Variants in TMTC2 observed in about 807,000 individuals in gnomAD.
TMTC2 encodes the protein transmembrane O-mannosyltransferase targeting cadherins 2.
A neutral mutation model predicts 82.4 loss-of-function variants in TMTC2; 43 were observed. The observed-to-expected ratio is 0.52, with a 90% CI of 0.41 to 0.67. The LOEUF is 0.67. Ranked by LOEUF, TMTC2 falls within the 30% of genes least tolerant of loss-of-function variation. The pLI is 0.00. For missense variants in TMTC2, 919 were observed against 1,012.4 expected (o/e 0.91, Z 1.25); for synonymous variants, 408 against 381.9 (o/e 1.07, Z -0.80).
intron 3 of TMTC2, among the ~76,000 whole-genome samples, chr12:82,908,017 C>A (rs1482199367): frequency 1.3e-5 from 2 of 152,064 alleles, no homozygotes; most frequent in Non-Finnish European, 2.9e-5. Context: ...GAGCCTGAGG[C>A]AGAAGAATTG....
intron 1 of TMTC2, among the ~76,000 whole-genome samples, chr12:82,729,624 G>A (rs555048646): frequency 9.8e-5 from 15 of 152,304 alleles, no homozygotes; most frequent in African/African-American, 3.6e-4. Context: ...AGCACCCTGT[G>A]AAAACGGACC....
Position 82,965,674 on chromosome 12 carries a change from C to T in TMTC2, c.1799C>T (p.Ala600Val), listed in dbSNP as rs1323926956. The change falls in exon 6 of 12, where the codon GCA becomes GTA. Residue 600 changes from alanine to valine, a missense_variant. Coordinates refer to ENST00000321196, the MANE Select transcript of TMTC2 (RefSeq NM_152588.3). ...IPDENLKDPH[A>V]HKSSVTSCLY... Reference sequence around the variant, plus strand: ...GATGAAAACCTAAAGGACCCTCATGCACACAAGAGCTCTGTTACCAGTTGT... The same window carrying T: ...GATGAAAACCTAAAGGACCCTCATGTACACAAGAGCTCTGTTACCAGTTGT... The T allele has an allele frequency of 3.1e-6, 5 of 1,613,704 alleles. No homozygotes were observed. Among genetic ancestry groups the T allele is most frequent in the Non-Finnish European group, 4.2e-6 (5 of 1,179,822 alleles).
At chr12:82,815,310 T>C (rs950233363) in intron 1 of TMTC2, among the ~76,000 whole-genome samples, 1 of 149,052 alleles carries the variant, frequency 6.7e-6, no homozygotes, top group Admixed American at 6.7e-5. Flanking sequence ...AATTAATTAA[T>C]TATTTATTTA....
chr12:83,067,515 G>A (rs1359745116), intron 11 of TMTC2, among the ~76,000 whole-genome samples: 1 of 151,956 alleles, frequency 6.6e-6, no homozygotes, highest in Non-Finnish European at 1.5e-5. Flanking sequence ...GAAGAAAAAG[G>A]AGACTGTGAA....
At chr12:82,726,643 G>A (rs1213530605) in intron 1 of TMTC2, among the ~76,000 whole-genome samples, 1 of 152,066 alleles carries the variant, frequency 6.6e-6, no homozygotes, top group South Asian at 2.1e-4. Context: ...CACTTTGGGA[G>A]GCCAAGGTGG....
chr12:83,026,519 C>G (rs1881183561), intron 8 of TMTC2, among the ~76,000 whole-genome samples: 1 of 151,922 alleles, frequency 6.6e-6, no homozygotes, highest in African/African-American at 2.4e-5. Flanking sequence ...TTGTGGTTAT[C>G]AAGACACACT....
chr12:83,077,432 A>G (rs988367556), intron 11 of TMTC2, among the ~76,000 whole-genome samples: 7 of 152,088 alleles, frequency 4.6e-5, no homozygotes, highest in Non-Finnish European at 7.4e-5. Context: ...ATTTTCATCA[A>G]ACCTACCATA....
At position 83,088,011 on chromosome 12, in the gene TMTC2, A is replaced by T. The variant is rs573218066; in HGVS notation, c.2331+26180A>T. 4.6e-5 allele frequency among the ~76,000 whole-genome samples: 7 copies of T among 152,316 alleles called. No homozygotes were observed. The South Asian group carries it at 1.0e-3, about 23-fold the overall frequency. ...CTTCCAATAGAAGGCTATTTCATTT[A>T]CACAGAAAATTTGTTTAGTACAGCC... On this transcript the variant is annotated intron_variant, in intron 11 of 11. Coordinates refer to ENST00000321196, the MANE Select transcript of TMTC2 (RefSeq NM_152588.3).
intron 11 of TMTC2, among the ~76,000 whole-genome samples, chr12:83,124,282 A>G (rs1885041450): frequency 6.6e-6 from 1 of 152,216 alleles, no homozygotes; most frequent in South Asian, 2.1e-4. Context: ...TGAGATTGGT[A>G]TAGAATTTAC....
intron 1 of TMTC2, among the ~76,000 whole-genome samples, chr12:82,692,388 G>A (rs1376160467): frequency 6.6e-6 from 1 of 152,100 alleles, no homozygotes; most frequent in Admixed American, 6.6e-5. Flanking sequence ...GCATGCATTA[G>A]GAACATAGTT....
chr12:82,749,732 TTTCTTTC>T (rs1180752895), intron 1 of TMTC2, among the ~76,000 whole-genome samples: 2 of 58,454 alleles, frequency 3.4e-5, no homozygotes, highest in African/African-American at 8.0e-5. Flanking sequence ...TCTTTCTTTC[TTTCTTTC>T]TTTTTTTTTT....
At chr12:83,051,983 TGTTA>T (rs1882365328) in intron 10 of TMTC2, among the ~76,000 whole-genome samples, 1 of 152,120 alleles carries the variant, frequency 6.6e-6, no homozygotes, top group African/African-American at 2.4e-5. Context: ...TTATTTGTCA[TGTTA>T]GTTATATATA....
intron 7 of TMTC2, among the ~76,000 whole-genome samples, chr12:82,980,102 G>A (rs1467680020): frequency 1.3e-5 from 2 of 151,596 alleles, no homozygotes; most frequent in Non-Finnish European, 3.0e-5. Flanking sequence ...TGTTATTTTG[G>A]TATGTAATTC....
At chr12:82,802,114 G>T (rs1036688308) in intron 1 of TMTC2, among the ~76,000 whole-genome samples, 1 of 152,124 alleles carries the variant, frequency 6.6e-6, no homozygotes, top group Non-Finnish European at 1.5e-5. Context: ...GGAGGCTCTG[G>T]CAGGGGGAAG....
chr12:83,108,502 C>T (rs376124573), intron 11 of TMTC2, among the ~76,000 whole-genome samples: 133 of 152,130 alleles, frequency 8.7e-4, no homozygotes, highest in South Asian at 1.9e-3. Context: ...TGGTGGCACA[C>T]GCCTGTAGTC....
chr12:82,772,967 C>A (rs187919468), intron 1 of TMTC2, among the ~76,000 whole-genome samples: 9 of 152,176 alleles, frequency 5.9e-5, no homozygotes, highest in Admixed American at 4.6e-4. Flanking sequence ...CTTTCTACTT[C>A]CTTATTTTCA....
rs551696818 is a variant in TMTC2 at position 82,863,006 on chromosome 12, G to A, written c.654+5426G>A. ...GCTTTCTCTATAGAGAAGAGCATGCGAATAGAGATGCATAGCCTGCAGGTG... is the reference window on the plus strand; with the variant it reads ...GCTTTCTCTATAGAGAAGAGCATGCAAATAGAGATGCATAGCCTGCAGGTG... On this transcript the variant is annotated intron_variant, in intron 2 of 11. Coordinates refer to ENST00000321196, the MANE Select transcript of TMTC2 (RefSeq NM_152588.3). Among the ~76,000 whole-genome samples, 24 of 152,286 alleles carry A rather than the reference G, an allele frequency of 1.6e-4. 1 individual carries two copies. In the South Asian group the frequency reaches 2.5e-3, roughly 16 times the overall value.
At chr12:83,068,705 A>T (rs1405323513) in intron 11 of TMTC2, among the ~76,000 whole-genome samples, 1 of 151,958 alleles carries the variant, frequency 6.6e-6, no homozygotes, top group African/African-American at 2.4e-5. Context: ...TATTTTGTTT[A>T]TTTTTTTATT....
intron 4 of TMTC2, among the ~76,000 whole-genome samples, chr12:82,946,425 C>T (rs891595933): frequency 6.6e-6 from 1 of 152,114 alleles, no homozygotes; most frequent in Non-Finnish European, 1.5e-5. Flanking sequence ...CTCTTTCTCC[C>T]TTCTTCTCTC....
Sources: gnomAD v4.1 joint callset for allele counts (sites outside exome capture counted in the v4.1 genomes callset) on GRCh38, gnomAD v4.1.1 for gene constraint, MANE v1.5 for transcripts, NCBI Gene and HGNC (gene_info 2026-07-23, HGNC 2026-07-21) for gene names.